TEAD1: variants seen among roughly 807,000 people sequenced by gnomAD.
The protein encoded by TEAD1 is TEA domain transcription factor 1, also known as transcriptional enhancer factor TEF-1.
In TEAD1, 9 loss-of-function variants were observed where a neutral mutation model predicts 54.9. The observed-to-expected ratio is 0.16, with a 90% CI of 0.10 to 0.29. TEAD1 has a LOEUF of 0.29. Ranked by LOEUF, TEAD1 falls within the 10% of genes least tolerant of loss-of-function variation. TEAD1 has a pLI of 1.00. For missense variants in TEAD1, 387 were observed against 535.9 expected (o/e 0.72, Z 2.74); for synonymous variants, 200 against 187.8 (o/e 1.07, Z -0.53).
At chr11:12,782,869 G>A (rs1439310736) in intron 3 of TEAD1, among the ~76,000 whole-genome samples, 1 of 152,192 alleles carries the variant, frequency 6.6e-6, no homozygotes, top group African/African-American at 2.4e-5. Context: ...CGTATGGTAG[G>A]AGCTGAGTGC....
At chr11:12,687,735 G>C (rs1430799606) in intron 2 of TEAD1, among the ~76,000 whole-genome samples, 4 of 152,144 alleles carry the variant, frequency 2.6e-5, no homozygotes, top group Admixed American at 6.5e-5. Context: ...TTGAAAAGTT[G>C]GGTGTGTCTC....
intron 3 of TEAD1, among the ~76,000 whole-genome samples, chr11:12,791,596 G>T (rs74492469): frequency 1.3e-5 from 2 of 152,146 alleles, no homozygotes; most frequent in South Asian, 2.1e-4. Flanking sequence ...AGGTGGGTGC[G>T]TGTGGGGATG....
At chr11:12,894,364 G>A (rs1339980004) in intron 9 of TEAD1, among the ~76,000 whole-genome samples, 1 of 151,964 alleles carries the variant, frequency 6.6e-6, no homozygotes, top group Non-Finnish European at 1.5e-5. Context: ...CACAAAGATT[G>A]AACTGCCTTC....
chr11:12,724,705 C>T (rs767482161), intron 2 of TEAD1, among the ~76,000 whole-genome samples: 1 of 152,204 alleles, frequency 6.6e-6, no homozygotes, highest in Non-Finnish European at 1.5e-5. Flanking sequence ...CCTGGCCTGT[C>T]TTGAGGGCAG....
intron 2 of TEAD1, among the ~76,000 whole-genome samples, chr11:12,724,862 G>A (rs771361162): frequency 6.6e-6 from 1 of 152,156 alleles, no homozygotes; most frequent in Non-Finnish European, 1.5e-5. Flanking sequence ...CCACCTGCCA[G>A]GCCAGGTGCC....
intron 2 of TEAD1, among the ~76,000 whole-genome samples, chr11:12,745,136 C>T (rs1456682731): frequency 6.6e-6 from 1 of 152,142 alleles, no homozygotes; most frequent in Non-Finnish European, 1.5e-5. Context: ...TTTTCTCATC[C>T]TCCTGTAAGT....
chr11:12,696,145 T>A (rs1234697915), intron 2 of TEAD1, among the ~76,000 whole-genome samples: 4 of 152,204 alleles, frequency 2.6e-5, no homozygotes, highest in Non-Finnish European at 4.4e-5. Context: ...AGGAAAACTT[T>A]GTGGATTTAA....
chr11:12,724,965 T>G (rs969873933), intron 2 of TEAD1, among the ~76,000 whole-genome samples: 2 of 152,196 alleles, frequency 1.3e-5, no homozygotes, highest in African/African-American at 4.8e-5. Flanking sequence ...GGCTGTGGAT[T>G]CTGGGGCCTG....
chr11:12,871,847 A>G (rs1947751978), intron 5 of TEAD1, among the ~76,000 whole-genome samples: 1 of 152,098 alleles, frequency 6.6e-6, no homozygotes, highest in South Asian at 2.1e-4. Context: ...TAGGCAGTAG[A>G]TGTATTCACG....
intron 2 of TEAD1, among the ~76,000 whole-genome samples, chr11:12,699,118 T>C (rs138138470): frequency 9.8e-5 from 15 of 152,328 alleles, no homozygotes; most frequent in Non-Finnish European, 1.6e-4. Context: ...AGGAGCGAGG[T>C]AGGAATCTAG....
intron 9 of TEAD1, among the ~76,000 whole-genome samples, chr11:12,887,830 T>C (rs1368488367): frequency 2.0e-5 from 3 of 152,210 alleles, no homozygotes; most frequent in African/African-American, 7.2e-5. Context: ...ATTAACCACA[T>C]TAATTTGATA....
Position 12,937,251 on chromosome 11 carries a change from G to T in TEAD1, c.*29G>T, listed in dbSNP as rs746222289. 9 of 1,382,216 alleles carry T rather than the reference G, an allele frequency of 6.5e-6. No homozygotes were observed. In the South Asian group the frequency reaches 9.4e-5, roughly 14 times the overall value. The allele number at this position is 1,382,216 out of a possible 1,614,324, so 85.6% of individuals were successfully genotyped here. A position where few individuals can be genotyped will look rare whatever the true frequency, so the allele number is the denominator to read the frequency against. On this transcript the variant is annotated 3_prime_UTR_variant, in exon 13 of 13. Transcript: ENST00000527636. The stretch of plus-strand genomic sequence containing the variant: ...TGGTTATTTATATATATAGATATCT[G>T]TATATACACACACACATATGTGCAC...
chr11:12,859,409 C>G (rs1783496972), intron 3 of TEAD1, among the ~76,000 whole-genome samples: 1 of 151,816 alleles, frequency 6.6e-6, no homozygotes, highest in African/African-American at 2.4e-5. Context: ...TAGCCCTGAA[C>G]AGGATGCACA....
At chr11:12,675,227 G>A (rs1194516042) in intron 1 of TEAD1, among the ~76,000 whole-genome samples, 182 bp from the exon 2 acceptor site, 1 of 151,708 alleles carries the variant, frequency 6.6e-6, no homozygotes, top group Non-Finnish European at 1.5e-5. Context: ...GAGCGCGGGC[G>A]GGCAGAGCCG....
At chr11:12,717,261 G>A (rs1944085456) in intron 2 of TEAD1, among the ~76,000 whole-genome samples, 1 of 152,174 alleles carries the variant, frequency 6.6e-6, no homozygotes, top group Non-Finnish European at 1.5e-5. Context: ...GTGTGTGCTT[G>A]GTATTGTGTG....
At chr11:12,676,677 AG>A (rs1045143715) in intron 2 of TEAD1, among the ~76,000 whole-genome samples, 3 of 152,230 alleles carry the variant, frequency 2.0e-5, no homozygotes, top group African/African-American at 7.2e-5. Flanking sequence ...ACCTTTTGTC[AG>A]TAGTGAGGTT....
At chr11:12,681,661 C>T (rs1943224414) in intron 2 of TEAD1, among the ~76,000 whole-genome samples, 1 of 152,238 alleles carries the variant, frequency 6.6e-6, no homozygotes, top group South Asian at 2.1e-4. Flanking sequence ...GTGTGCATGA[C>T]CATGTGCTCA....
At chr11:12,747,698 A>G (rs1944775800) in intron 2 of TEAD1, among the ~76,000 whole-genome samples, 1 of 152,162 alleles carries the variant, frequency 6.6e-6, no homozygotes, top group African/African-American at 2.4e-5. Context: ...AAGACATACT[A>G]CCCATGCTCA....
chr11:12,911,006 C>A (rs1948608508), intron 10 of TEAD1, among the ~76,000 whole-genome samples: 1 of 152,184 alleles, frequency 6.6e-6, no homozygotes, highest in South Asian at 2.1e-4. Flanking sequence ...CTTGGCCTCC[C>A]AAAGTGCTGG....
Sources: gnomAD v4.1 joint callset for allele counts (sites outside exome capture counted in the v4.1 genomes callset) on GRCh38, gnomAD v4.1.1 for gene constraint, MANE v1.5 for transcripts, NCBI Gene and HGNC (gene_info 2026-07-23, HGNC 2026-07-21) for gene names.